The following DESI2 variants were observed in gnomAD, a reference collection of about 807,000 sequenced individuals.
DESI2 encodes deubiquitinase DESI2.
In DESI2, 10 loss-of-function variants were observed where a neutral mutation model predicts 24.1. The ratio of observed to expected loss-of-function variants is 0.41; its 90% CI spans 0.26 to 0.70. DESI2 has a LOEUF of 0.70. Ranked by LOEUF, DESI2 falls within the 30% of genes least tolerant of loss-of-function variation. The pLI is 0.29. For synonymous variants in DESI2, 71 were observed against 87.7 expected, an observed-to-expected ratio of 0.81 and a Z score of 1.06; for missense variants, 122 against 234.9, an observed-to-expected ratio of 0.52 and a Z score of 3.14.
intron 1 of DESI2, 51 bp from the exon 2 acceptor site, chr1:244,686,546 T>C: frequency 6.8e-6 from 8 of 1,180,780 alleles, no homozygotes; most frequent in Non-Finnish European, 1.0e-5. Context: ...AGCGCGGAGT[T>C]GGGTTGTAAA....
chr1:244,697,061 G>C (rs1677243694), intron 4 of DESI2, among the ~76,000 whole-genome samples: 1 of 152,070 alleles, frequency 6.6e-6, no homozygotes, highest in Non-Finnish European at 1.5e-5. Context: ...CTTTCCTCTG[G>C]ACTTTGCCCC....
rs1290314549 is a variant in DESI2, at chr1:244,708,052, C to T, written c.*2263C>T. 1 of 152,190 alleles carries T rather than the reference C, an allele frequency of 6.6e-6. No homozygotes were observed. The highest frequency in any genetic ancestry group is 1.5e-5 in the Non-Finnish European group (1 of 68,034). 9.4% of individuals were successfully genotyped at this position (152,190 alleles called of 1,614,324 possible). On this transcript the variant is annotated 3_prime_UTR_variant, in exon 5 of 5. Transcript: ENST00000302550. ...CTCATTCAAGTCAGGTTCTTCTCTA[C>T]AGTTCAAAATTGAGAATGGATTTAA...
At chr1:244,679,314 A>G (rs528792973) in intron 1 of DESI2, among the ~76,000 whole-genome samples, 2 of 152,304 alleles carry the variant, frequency 1.3e-5, no homozygotes, top group South Asian at 4.1e-4. Flanking sequence ...TTAGAAATGC[A>G]TCTCTTGTAA....
Position 244,708,662 on chromosome 1 carries a change from C to A in DESI2, c.*2873C>A, listed in dbSNP as rs1030161821. On this transcript the variant is annotated 3_prime_UTR_variant, in exon 5 of 5. Transcript: ENST00000302550. ...CTTATGACTCCATTTCTGTAAGCTA[C>A]TCTGTAACTTTGATATATGCTGTAT... is the stretch of plus-strand genomic sequence containing the variant. 2 of 152,622 alleles carry A rather than the reference C, an allele frequency of 1.3e-5. No individual in the cohort carries two copies. The highest frequency in any genetic ancestry group is 2.9e-5 in the Non-Finnish European group (2 of 68,036). The allele number at this position is 152,622 out of a possible 1,614,324, so 9.5% of individuals were successfully genotyped here. A position where few individuals can be genotyped will look rare whatever the true frequency, so the allele number is the denominator to read the frequency against.
At chr1:244,674,647 A>C (rs192797985) in intron 1 of DESI2, among the ~76,000 whole-genome samples, 7 of 152,292 alleles carry the variant, frequency 4.6e-5, no homozygotes, top group South Asian at 2.1e-4. Flanking sequence ...CACCTGGCAT[A>C]ATGTTTTCAA....
intron 4 of DESI2, among the ~76,000 whole-genome samples, chr1:244,702,102 C>T (rs1021672573): frequency 6.6e-6 from 1 of 152,222 alleles, no homozygotes; most frequent in African/African-American, 2.4e-5. Flanking sequence ...TTTACACACA[C>T]ACAGGCATGT....
At chr1:244,657,456 C>T (rs1382464426) in intron 1 of DESI2, among the ~76,000 whole-genome samples, 2 of 152,214 alleles carry the variant, frequency 1.3e-5, no homozygotes, top group Non-Finnish European at 2.9e-5. Context: ...GTTTCCCAAA[C>T]CGGAAACCTG....
At chr1:244,697,195 C>T (rs1043509999) in intron 4 of DESI2, among the ~76,000 whole-genome samples, 4 of 152,018 alleles carry the variant, frequency 2.6e-5, no homozygotes, top group Admixed American at 2.6e-4. Context: ...TTGTGGAGAC[C>T]TTTGACTCAC....
In DESI2 at chr1:244,663,429, G is replaced by A. The variant is rs532814765; in HGVS notation, c.42+10074G>A. On this transcript the variant is annotated intron_variant, in intron 1 of 4. Coordinates refer to ENST00000302550, the MANE Select transcript of DESI2 (RefSeq NM_016076.5). Reference sequence around the variant, plus strand: ...CTGACCTCGTGATCCGCCCACCTCAGCCTCCCAAAGTGCTGGGATTACAGG... The same window carrying A: ...CTGACCTCGTGATCCGCCCACCTCAACCTCCCAAAGTGCTGGGATTACAGG... Among the ~76,000 whole-genome samples, 14 of 152,032 alleles carry A rather than the reference G, an allele frequency of 9.2e-5. No individual in the cohort carries two copies. In the East Asian group the frequency reaches 2.7e-3, roughly 30 times the overall value.
chr1:244,680,216 G>A (rs1031880295), intron 1 of DESI2, among the ~76,000 whole-genome samples: 6 of 152,060 alleles, frequency 3.9e-5, no homozygotes, highest in African/African-American at 1.4e-4. Flanking sequence ...GGGAGGCCAA[G>A]GCAAGTGGAT....
intron 1 of DESI2, among the ~76,000 whole-genome samples, chr1:244,668,291 T>C (rs1367817271): frequency 6.6e-6 from 1 of 152,192 alleles, no homozygotes; most frequent in Non-Finnish European, 1.5e-5. Flanking sequence ...TCTAGAATAG[T>C]GTTTCTCAAT....
intron 1 of DESI2, among the ~76,000 whole-genome samples, chr1:244,658,552 G>A (rs6683634): frequency 0.78 from 118,926 of 152,130 alleles, 46,609 homozygotes; most frequent in South Asian, 0.87. Context: ...TGAGTTCTCC[G>A]ATAGCGCCAT....
intron 1 of DESI2, among the ~76,000 whole-genome samples, chr1:244,668,121 A>T (rs531208331): frequency 6.6e-6 from 1 of 152,348 alleles, no homozygotes; most frequent in South Asian, 2.1e-4. Flanking sequence ...AGGATTGTGA[A>T]TTAATCATCT....
At chr1:244,684,228 T>A (rs1289790317) in intron 1 of DESI2, among the ~76,000 whole-genome samples, 1 of 152,180 alleles carries the variant, frequency 6.6e-6, no homozygotes. Flanking sequence ...ACTAAGATAA[T>A]AGCATTTTAC....
chr1:244,680,266 G>A (rs950712428), intron 1 of DESI2, among the ~76,000 whole-genome samples: 1 of 152,082 alleles, frequency 6.6e-6, no homozygotes, highest in African/African-American at 2.4e-5. Context: ...TGGACAACAT[G>A]ATGAAACCCT....
At chr1:244,655,211 G>C (rs1675604966) in intron 1 of DESI2, among the ~76,000 whole-genome samples, 1 of 152,172 alleles carries the variant, frequency 6.6e-6, no homozygotes, top group African/African-American at 2.4e-5. Context: ...TTGTAAAATA[G>C]GTAGTTAGAG....
At position 244,672,182 on chromosome 1, in the gene DESI2, G is replaced by T. The variant is rs529347824; in HGVS notation, c.43-14415G>T. Among the ~76,000 whole-genome samples the T allele has an allele frequency of 2.0e-5, 3 of 152,180 alleles. No individual in the cohort carries two copies. The East Asian group carries it at 5.8e-4, about 29-fold the overall frequency. On this transcript the variant is annotated intron_variant, in intron 1 of 4. Coordinates refer to ENST00000302550, the MANE Select transcript of DESI2 (RefSeq NM_016076.5). The stretch of plus-strand genomic sequence containing the variant: ...GACTCCATCTCTTAAAAAAAGAAAT[G>T]TTGGAGGTGGATCCTAGTGGGAGGT...
chr1:244,676,566 C>G (rs1676422435), intron 1 of DESI2, among the ~76,000 whole-genome samples: 1 of 151,458 alleles, frequency 6.6e-6, no homozygotes, highest in South Asian at 2.1e-4. Flanking sequence ...CAGTAATTGC[C>G]CTGGCTGGAA....
intron 3 of DESI2, among the ~76,000 whole-genome samples, chr1:244,691,644 C>T (rs2148810063): frequency 6.6e-6 from 1 of 152,160 alleles, no homozygotes; most frequent in East Asian, 1.9e-4. Flanking sequence ...ATGACTTGTG[C>T]TTTTGTAGTA....
Sources: allele counts gnomAD v4.1 joint callset (sites outside exome capture counted in the v4.1 genomes callset), GRCh38; gene constraint gnomAD v4.1.1; transcripts MANE v1.5; gene names NCBI Gene and HGNC (gene_info 2026-07-23, HGNC 2026-07-21).